FSTL5: variants seen among roughly 807,000 people sequenced by gnomAD.
FSTL5 encodes the protein follistatin-related protein 5.
A neutral mutation model predicts 89.1 loss-of-function variants in FSTL5; 62 were observed. The observed-to-expected ratio is 0.70, with a 90% confidence interval of 0.57 to 0.86. FSTL5 has a LOEUF of 0.86. FSTL5 is among the 40% of genes least tolerant of loss of function. FSTL5 has a pLI of 0.00. For synonymous variants in FSTL5, 383 were observed against 346.2 expected (o/e 1.11, Z -1.18); for missense variants, 1,057 against 1,001.6 (o/e 1.06, Z -0.75).
intron 4 of FSTL5, among the ~76,000 whole-genome samples, chr4:161,844,075 C>G (rs1731293759): frequency 6.6e-6 from 1 of 151,972 alleles, no homozygotes; most frequent in Admixed American, 6.6e-5. Context: ...CCAGAATCTG[C>G]AAGGAACTTA....
At chr4:161,847,992 C>T (rs893523773) in intron 4 of FSTL5, among the ~76,000 whole-genome samples, 4 of 135,986 alleles carry the variant, frequency 2.9e-5, no homozygotes, top group African/African-American at 8.0e-5. Context: ...GCTGACATCG[C>T]GCCACTGCAC....
At chr4:161,875,010 GTTCT>G (rs1203723009) in intron 4 of FSTL5, among the ~76,000 whole-genome samples, 2 of 151,964 alleles carry the variant, frequency 1.3e-5, no homozygotes, top group Non-Finnish European at 2.9e-5. Context: ...TACAACTTTT[GTTCT>G]TTCATCACAT....
intron 4 of FSTL5, among the ~76,000 whole-genome samples, chr4:161,857,521 G>A (rs1731759349): frequency 6.6e-6 from 1 of 152,010 alleles, no homozygotes; most frequent in South Asian, 2.1e-4. Flanking sequence ...TCTTTTCATG[G>A]AGCTAACTGC....
intron 4 of FSTL5, among the ~76,000 whole-genome samples, chr4:161,781,559 G>A (rs1290582970): frequency 6.6e-6 from 1 of 152,074 alleles, no homozygotes; most frequent in African/African-American, 2.4e-5. Flanking sequence ...CGTGATTATT[G>A]TAAATACAGG....
intron 6 of FSTL5, among the ~76,000 whole-genome samples, chr4:161,703,384 C>T (rs1184601574): frequency 6.6e-6 from 1 of 152,036 alleles, no homozygotes; most frequent in South Asian, 2.1e-4. Flanking sequence ...CCTTGTTGCA[C>T]CAAGTTAATA....
At chr4:161,464,804 T>A (rs1323613148) in intron 13 of FSTL5, among the ~76,000 whole-genome samples, 3 of 152,126 alleles carry the variant, frequency 2.0e-5, no homozygotes, top group Admixed American at 6.6e-5. Flanking sequence ...TTTATTTTCT[T>A]AAAAAATTTC....
intron 4 of FSTL5, among the ~76,000 whole-genome samples, chr4:161,804,431 T>C (rs1191527934): frequency 1.3e-5 from 2 of 152,022 alleles, no homozygotes; most frequent in Admixed American, 6.6e-5. Flanking sequence ...TTCAATTCCA[T>C]TTTACTTTCA....
chr4:161,975,299 C>T (rs1223962198), intron 3 of FSTL5, among the ~76,000 whole-genome samples: 2 of 151,292 alleles, frequency 1.3e-5, no homozygotes, highest in African/African-American at 2.4e-5. Flanking sequence ...AAGACACATG[C>T]ACACATATGT....
chr4:161,886,341 T>C (rs999616377), intron 4 of FSTL5, among the ~76,000 whole-genome samples: 1 of 152,152 alleles, frequency 6.6e-6, no homozygotes, highest in Admixed American at 6.5e-5. Flanking sequence ...CAAATTGCAG[T>C]GTGTGTGGAG....
intron 4 of FSTL5, among the ~76,000 whole-genome samples, chr4:161,858,150 G>C (rs893011004): frequency 2.0e-5 from 3 of 152,118 alleles, no homozygotes; most frequent in Non-Finnish European, 4.4e-5. Context: ...GCCTCAGAGA[G>C]ATCCCTATCC....
chr4:161,780,977 A>G (rs1454227488), intron 4 of FSTL5, among the ~76,000 whole-genome samples: 1 of 152,180 alleles, frequency 6.6e-6, no homozygotes, highest in Non-Finnish European at 1.5e-5. Flanking sequence ...TATCTTTTTG[A>G]CATTTATTGA....
At chr4:161,396,103 G>A (rs1730984832) in intron 15 of FSTL5, among the ~76,000 whole-genome samples, 1 of 146,714 alleles carries the variant, frequency 6.8e-6, no homozygotes, top group Non-Finnish European at 1.5e-5. Flanking sequence ...GAAGAATGTT[G>A]TATAGGATCA....
intron 7 of FSTL5, among the ~76,000 whole-genome samples, chr4:161,618,481 A>AT (rs1734979110): frequency 7.0e-6 from 1 of 143,304 alleles, no homozygotes; most frequent in South Asian, 2.4e-4. Context: ...AGCTCTTATT[A>AT]TTTTGAAATA....
chr4:162,058,572 C>T (rs1024404723), intron 2 of FSTL5, among the ~76,000 whole-genome samples: 7 of 151,546 alleles, frequency 4.6e-5, no homozygotes, highest in African/African-American at 1.7e-4. Context: ...GGATTACAGG[C>T]ACGCACCACC....
chr4:162,120,355 T>C (rs865838537), intron 1 of FSTL5, among the ~76,000 whole-genome samples: 14 of 152,214 alleles, frequency 9.2e-5, no homozygotes, highest in Admixed American at 2.6e-4. Context: ...TGGTAAATAT[T>C]TGTTGTCCAA....
intron 4 of FSTL5, among the ~76,000 whole-genome samples, chr4:161,913,557 G>A (rs949075803): frequency 1.3e-5 from 2 of 152,154 alleles, no homozygotes; most frequent in Non-Finnish European, 2.9e-5. Flanking sequence ...GTATGGAAAT[G>A]CTGTCAGTTG....
intron 13 of FSTL5, among the ~76,000 whole-genome samples, chr4:161,469,589 T>A (rs1393222396): frequency 6.6e-6 from 1 of 152,156 alleles, no homozygotes; most frequent in Non-Finnish European, 1.5e-5. Flanking sequence ...GCTATATGTA[T>A]AACGTCTTTG....
chr4:161,436,854 G>A (rs566985048), intron 15 of FSTL5, among the ~76,000 whole-genome samples: 7 of 152,204 alleles, frequency 4.6e-5, no homozygotes, highest in Admixed American at 3.3e-4. Context: ...AAGATTGCAG[G>A]GGAAAGTTTT....
intron 13 of FSTL5, among the ~76,000 whole-genome samples, chr4:161,464,664 T>C (rs1242919137): frequency 2.0e-5 from 3 of 152,178 alleles, no homozygotes; most frequent in African/African-American, 7.2e-5. Context: ...GAATAATACT[T>C]AGTGAAATAG....
Sources: allele counts gnomAD v4.1 joint callset (sites outside exome capture counted in the v4.1 genomes callset), GRCh38; gene constraint gnomAD v4.1.1; transcripts MANE v1.5; gene names NCBI Gene and HGNC (gene_info 2026-07-23, HGNC 2026-07-21).